The following IPCEF1 variants were observed in gnomAD, a reference collection of about 807,000 sequenced individuals.
The protein encoded by IPCEF1 is interaction protein for cytohesin exchange factors 1.
IPCEF1 carries 31 observed loss-of-function variants against 50.9 expected under a neutral mutation model. The observed-to-expected ratio is 0.61, with a 90% CI of 0.46 to 0.82. IPCEF1 has a LOEUF of 0.82. Among genes scored for constraint, IPCEF1 ranks in the 40% least tolerant of loss-of-function variants. The probability of loss-of-function intolerance (pLI) is 0.00; values close to 1 mark genes in which losing one functional copy is unlikely to be tolerated. For synonymous variants in IPCEF1, 181 were observed against 192.0 expected, an observed-to-expected ratio of 0.94 and a Z score of 0.47; for missense variants, 458 against 514.0, an observed-to-expected ratio of 0.89 and a Z score of 1.05.
intron 5 of IPCEF1, among the ~76,000 whole-genome samples, chr6:154,224,060 C>T (rs996666312): frequency 2.6e-5 from 4 of 152,186 alleles, no homozygotes; most frequent in Non-Finnish European, 4.4e-5. Context: ...CTAGATTGTT[C>T]GTCACCCATA....
chr6:154,345,781 G>A (rs1452851658), intron 1 of IPCEF1, among the ~76,000 whole-genome samples: 1 of 152,038 alleles, frequency 6.6e-6, no homozygotes, highest in Non-Finnish European at 1.5e-5. Flanking sequence ...ACCCCATATG[G>A]TAAATTATTA....
intron 1 of IPCEF1, among the ~76,000 whole-genome samples, chr6:154,346,885 G>A (rs1784040791): frequency 6.6e-6 from 1 of 152,290 alleles, no homozygotes; most frequent in South Asian, 2.1e-4. Flanking sequence ...TGGGTGGCCA[G>A]ACTCTATCCC....
chr6:154,292,567 T>C (rs1008173834), intron 1 of IPCEF1, among the ~76,000 whole-genome samples: 10 of 152,152 alleles, frequency 6.6e-5, no homozygotes, highest in African/African-American at 2.2e-4. Flanking sequence ...ACCGTAAAAA[T>C]CACCCTAGAG....
At chr6:154,350,204 T>C (rs1784097925) in intron 1 of IPCEF1, among the ~76,000 whole-genome samples, 1 of 152,234 alleles carries the variant, frequency 6.6e-6, no homozygotes, top group Admixed American at 6.5e-5. Flanking sequence ...CCTTAGATTT[T>C]ATATTTGGAT....
chr6:154,290,459 C>A (rs570843848), intron 1 of IPCEF1, among the ~76,000 whole-genome samples: 3 of 152,268 alleles, frequency 2.0e-5, no homozygotes, highest in African/African-American at 2.4e-5. Flanking sequence ...TCCAAGTGTA[C>A]TTTACTTCCT....
rs201157105 is a variant in IPCEF1, at chr6:154,300,682, C to T, written c.-61-10926G>A. On this transcript the variant is annotated intron_variant, in intron 1 of 11. Transcript: ENST00000367220. Reference sequence around the variant, plus strand: ...AAAAAAGAAGCAAAGTAGATTTTTCCGCCACCCCCCAAAAAACATAAAGTC... The same window carrying T: ...AAAAAAGAAGCAAAGTAGATTTTTCTGCCACCCCCCAAAAAACATAAAGTC... Among the ~76,000 whole-genome samples, 27 of 152,094 alleles carry T rather than the reference C, an allele frequency of 1.8e-4. No individual in the cohort carries two copies. The East Asian group carries it at 3.1e-3, about 17-fold the overall frequency.
chr6:154,246,881 G>T, intron 4 of IPCEF1, 121 bp from the exon 5 acceptor site: 3 of 1,031,056 alleles, frequency 2.9e-6, no homozygotes, highest in Non-Finnish European at 3.7e-6. Flanking sequence ...CGGGGAGCTG[G>T]ATTTTTCACC....
chr6:154,259,251 C>G (rs964865226), intron 3 of IPCEF1, among the ~76,000 whole-genome samples: 1 of 152,168 alleles, frequency 6.6e-6, no homozygotes, highest in Non-Finnish European at 1.5e-5. Context: ...TTTTGCTGAA[C>G]AAATCTCTAG....
chr6:154,227,965 T>C (rs1212055818), intron 5 of IPCEF1, among the ~76,000 whole-genome samples: 1 of 139,284 alleles, frequency 7.2e-6, no homozygotes, highest in Admixed American at 7.8e-5. Flanking sequence ...TGTCAAAAAA[T>C]GGTCCTTGCT....
intron 1 of IPCEF1, among the ~76,000 whole-genome samples, chr6:154,293,068 G>A (rs1362139514): frequency 7.9e-5 from 12 of 152,264 alleles, no homozygotes; most frequent in Admixed American, 5.9e-4. Context: ...ACTTTTTGCC[G>A]TGGGGGCCTC....
chr6:154,284,644 CTT>C (rs1318854574), intron 2 of IPCEF1, among the ~76,000 whole-genome samples: 1 of 152,150 alleles, frequency 6.6e-6, no homozygotes, highest in Non-Finnish European at 1.5e-5. Flanking sequence ...CCCTGAGTGA[CTT>C]TGTGGAGTAG....
chr6:154,218,854 G>C (rs71567971), intron 7 of IPCEF1, among the ~76,000 whole-genome samples: 11,948 of 152,204 alleles, frequency 0.078, 562 homozygotes, highest in African/African-American at 0.12. Flanking sequence ...GACACCTTAA[G>C]TTCAAATTTC....
intron 9 of IPCEF1, among the ~76,000 whole-genome samples, chr6:154,205,850 T>G (rs1777449948): frequency 6.6e-6 from 1 of 152,130 alleles, no homozygotes; most frequent in South Asian, 2.1e-4. Flanking sequence ...TCATAAAGTT[T>G]TGTATCTCCA....
intron 3 of IPCEF1, among the ~76,000 whole-genome samples, chr6:154,252,853 A>C (rs1781370827): frequency 6.6e-6 from 1 of 152,170 alleles, no homozygotes; most frequent in Non-Finnish European, 1.5e-5. Context: ...CACTGAAAAG[A>C]GGCGTCATGA....
At chr6:154,262,751 A>T in intron 3 of IPCEF1, among the ~76,000 whole-genome samples, 1 of 149,422 alleles carries the variant, frequency 6.7e-6, no homozygotes, top group African/African-American at 2.5e-5. Flanking sequence ...AATAGTACAT[A>T]TACACATGCT....
intron 1 of IPCEF1, among the ~76,000 whole-genome samples, chr6:154,295,001 A>C (rs908847797): frequency 1.3e-5 from 2 of 152,232 alleles, no homozygotes; most frequent in African/African-American, 4.8e-5. Flanking sequence ...GATCGAGACC[A>C]GCCTGGCTAA....
intron 1 of IPCEF1, among the ~76,000 whole-genome samples, chr6:154,341,795 A>C (rs1783923881): frequency 1.3e-5 from 2 of 152,210 alleles, no homozygotes; most frequent in African/African-American, 4.8e-5. Context: ...GTGTTTTATC[A>C]TTACCATCAT....
chr6:154,218,535 C>G (rs1562548651), intron 7 of IPCEF1, among the ~76,000 whole-genome samples: 1 of 152,172 alleles, frequency 6.6e-6, no homozygotes, highest in Non-Finnish European at 1.5e-5. Context: ...TCCCCCACAC[C>G]TCTCATCTTA....
chr6:154,295,867 GCACACACACA>G (rs59302680), intron 1 of IPCEF1, among the ~76,000 whole-genome samples: 3 of 147,898 alleles, frequency 2.0e-5, no homozygotes, highest in Non-Finnish European at 4.5e-5. Context: ...ATGTGCACAC[GCACACACACA>G]CACACACACA....
Sources: allele counts gnomAD v4.1 joint callset (sites outside exome capture counted in the v4.1 genomes callset), GRCh38; gene constraint gnomAD v4.1.1; transcripts MANE v1.5; gene names NCBI Gene and HGNC (gene_info 2026-07-23, HGNC 2026-07-21).